The following TTC28 variants were observed in gnomAD, a reference collection of about 807,000 sequenced individuals.
TTC28 encodes the protein tetratricopeptide repeat protein 28.
Under a neutral mutation model 198.0 loss-of-function variants are expected in TTC28, and 61 were observed. The observed-to-expected ratio is 0.31, with a 90% CI of 0.25 to 0.38. The LOEUF (loss-of-function observed/expected upper bound fraction) is 0.38. Among genes scored for constraint, TTC28 ranks in the 10% least tolerant of loss-of-function variants. TTC28 has a pLI of 1.00. For synonymous variants in TTC28, 1,171 were observed against 1,297.8 expected (o/e 0.90, Z 2.10); for missense variants, 2,678 against 3,164.0 (o/e 0.85, Z 3.69).
intron 5 of TTC28, among the ~76,000 whole-genome samples, chr22:28,236,746 G>A (rs1036571272): frequency 3.9e-5 from 6 of 152,144 alleles, no homozygotes; most frequent in African/African-American, 9.7e-5. Context: ...AAATTCCAGC[G>A]TACGTTCAGA....
chr22:28,506,831 G>A (rs777188363), intron 2 of TTC28, among the ~76,000 whole-genome samples: 1 of 152,158 alleles, frequency 6.6e-6, no homozygotes, highest in South Asian at 2.1e-4. Flanking sequence ...AAGAAGAGTG[G>A]TCTATCTGTT....
chr22:28,286,192 AT>A (rs1159686377), intron 5 of TTC28, among the ~76,000 whole-genome samples: 1 of 152,172 alleles, frequency 6.6e-6, no homozygotes, highest in Non-Finnish European at 1.5e-5. Flanking sequence ...TTTATGAAAA[AT>A]AAAACAATAC....
intron 2 of TTC28, among the ~76,000 whole-genome samples, chr22:28,552,880 C>T (rs1337283820): frequency 6.6e-6 from 1 of 152,032 alleles, no homozygotes; most frequent in Non-Finnish European, 1.5e-5. Context: ...TCACTGCAAC[C>T]TCCCTGCCTG....
intron 5 of TTC28, among the ~76,000 whole-genome samples, chr22:28,242,174 C>A (rs1375049607): frequency 6.6e-6 from 1 of 152,164 alleles, no homozygotes; most frequent in Non-Finnish European, 1.5e-5. Context: ...CACAGCACAC[C>A]AATTACCTGT....
At position 28,505,867 on chromosome 22, in the gene TTC28, C is replaced by A. The variant is rs762626862; in HGVS notation, c.381+123685G>T. 5.9e-5 allele frequency among the ~76,000 whole-genome samples: 9 copies of A among 152,234 alleles called. 1 individual carries two copies. The highest frequency in any genetic ancestry group is 1.3e-4 in the Non-Finnish European group (9 of 68,036). ...ATTCCAGCCGCCAAACAGCAACAGG[C>A]TGGAGTCGGCCTGAGTTGGAACGGA... On this transcript the variant is annotated intron_variant, in intron 2 of 22. Coordinates refer to ENST00000397906, the MANE Select transcript of TTC28 (RefSeq NM_001145418.2).
At chr22:28,082,589 A>G (rs977220988) in intron 12 of TTC28, among the ~76,000 whole-genome samples, 2 of 152,192 alleles carry the variant, frequency 1.3e-5, no homozygotes, top group African/African-American at 4.8e-5. Flanking sequence ...ATATTCCAAG[A>G]GTAAATCCCA....
intron 2 of TTC28, among the ~76,000 whole-genome samples, chr22:28,515,867 C>T (rs116048905): frequency 2.0e-5 from 3 of 151,984 alleles, no homozygotes; most frequent in African/African-American, 2.4e-5. Context: ...TGAGTTCAGC[C>T]GGGTGCGGTA....
Position 27,993,380 on chromosome 22 carries a change from G to C in TTC28, c.5383C>G (p.Pro1795Ala), listed in dbSNP as rs999989041. The C allele has an allele frequency of 6.4e-7, 1 of 1,551,166 alleles. No individual in the cohort carries two copies. The highest frequency in any genetic ancestry group is 1.7e-4 in the Middle Eastern group (1 of 5,990). Residue 1795 changes from proline (P) to alanine (A), a missense_variant, in exon 18 of 23, where the codon CCA (proline) becomes GCA (alanine). By Grantham distance (27) the Pro-to-Ala change is conservative. Coordinates refer to ENST00000397906, the MANE Select transcript of TTC28 (RefSeq NM_001145418.2). ...ACAGCCGCTGGCAGGCCACTGGTTGGGGGGTCCAGCCGGAAGCCCACAGCG... is the reference window on the plus strand; with the variant it reads ...ACAGCCGCTGGCAGGCCACTGGTTGCGGGGTCCAGCCGGAAGCCCACAGCG... ...LTAVGFRLDP[P>A]TSGLPAAVFF...
intron 1 of TTC28, among the ~76,000 whole-genome samples, chr22:28,657,145 T>G (rs778079522): frequency 6.6e-6 from 1 of 152,182 alleles, no homozygotes; most frequent in Non-Finnish European, 1.5e-5. Context: ...AGTTAAAAGT[T>G]AAACTGTTTG....
chr22:28,566,355 G>C (rs1229967932), intron 2 of TTC28, among the ~76,000 whole-genome samples: 1 of 152,148 alleles, frequency 6.6e-6, no homozygotes, highest in Non-Finnish European at 1.5e-5. Context: ...AAAGGAAAGG[G>C]AGGATACCCG....
At chr22:28,227,947 C>G (rs1199804075) in intron 5 of TTC28, among the ~76,000 whole-genome samples, 1 of 151,990 alleles carries the variant, frequency 6.6e-6, no homozygotes, top group Non-Finnish European at 1.5e-5. Flanking sequence ...TTCACAATAG[C>G]CCAAAGGTGA....
intron 2 of TTC28, among the ~76,000 whole-genome samples, chr22:28,310,040 A>G (rs2045226303): frequency 6.6e-6 from 1 of 152,082 alleles, no homozygotes; most frequent in African/African-American, 2.4e-5. Context: ...CACAAATCAT[A>G]TAAAGATAAC....
chr22:28,513,046 C>T (rs1271259219), intron 2 of TTC28, among the ~76,000 whole-genome samples: 3 of 133,332 alleles, frequency 2.3e-5, no homozygotes, highest in South Asian at 2.5e-4. Flanking sequence ...ATGGTGTAAA[C>T]GTAGCTCACT....
intron 10 of TTC28, among the ~76,000 whole-genome samples, chr22:28,098,577 T>A (rs903265531): frequency 6.6e-6 from 1 of 151,212 alleles, no homozygotes; most frequent in Non-Finnish European, 1.5e-5. Context: ...TTAAGAGACT[T>A]TATTTCCACA....
chr22:28,658,085 G>A (rs1424887746), intron 1 of TTC28, among the ~76,000 whole-genome samples: 1 of 152,050 alleles, frequency 6.6e-6, no homozygotes, highest in Non-Finnish European at 1.5e-5. Flanking sequence ...TAAGGATTCA[G>A]AATTACAAAA....
intron 12 of TTC28, among the ~76,000 whole-genome samples, chr22:28,073,384 T>C (rs1023073750): frequency 6.6e-6 from 1 of 152,172 alleles, no homozygotes; most frequent in Non-Finnish European, 1.5e-5. Context: ...TCTAAAGGAA[T>C]GTCCATTAAC....
chr22:28,567,937 T>G (rs1224792448), intron 2 of TTC28, among the ~76,000 whole-genome samples: 1 of 152,032 alleles, frequency 6.6e-6, no homozygotes, highest in Non-Finnish European at 1.5e-5. Flanking sequence ...TCAACGTGTT[T>G]CAAATGTAAT....
At chr22:28,296,065 T>C in intron 5 of TTC28, 133 bp downstream of exon 5, 2 of 921,622 alleles carry the variant, frequency 2.2e-6, no homozygotes, top group South Asian at 2.2e-5. Context: ...ACAGAATCAG[T>C]AAGTCTCAAG....
At chr22:28,332,322 C>A (rs922532450) in intron 2 of TTC28, among the ~76,000 whole-genome samples, 5 of 151,666 alleles carry the variant, frequency 3.3e-5, no homozygotes, top group African/African-American at 1.2e-4. Context: ...GTAAAGAATC[C>A]TTGTTAATTA....
Sources: gnomAD v4.1 joint callset for allele counts (sites outside exome capture counted in the v4.1 genomes callset) on GRCh38, gnomAD v4.1.1 for gene constraint, MANE v1.5 for transcripts, NCBI Gene and HGNC (gene_info 2026-07-23, HGNC 2026-07-21) for gene names.